MYOF: variants seen among roughly 807,000 people sequenced by gnomAD.
MYOF encodes myoferlin.
In MYOF, 244 loss-of-function variants were observed where a neutral mutation model predicts 284.2. That is an observed-to-expected ratio of 0.86 (90% CI 0.77 to 0.95). MYOF has a LOEUF of 0.95. Ranked by LOEUF, MYOF falls within the 40% of genes least tolerant of loss-of-function variation. The pLI, the probability that MYOF is intolerant of heterozygous loss-of-function variation, is 0.00. For missense variants in MYOF, 2,496 were observed against 2,560.6 expected (o/e 0.97, Z 0.54); for synonymous variants, 904 against 919.7 (o/e 0.98, Z 0.31).
chr10:93,461,665 A>C (rs1484933541), intron 1 of MYOF, among the ~76,000 whole-genome samples: 1 of 152,016 alleles, frequency 6.6e-6, no homozygotes, highest in Non-Finnish European at 1.5e-5. Flanking sequence ...ATCTGGGGAC[A>C]CTCCAGGACC....
intron 35 of MYOF, among the ~76,000 whole-genome samples, chr10:93,350,712 T>C (rs190815200): frequency 3.9e-5 from 6 of 152,198 alleles, no homozygotes; most frequent in African/African-American, 9.6e-5. Flanking sequence ...AGAAGGGAAA[T>C]CTTGGGGTGT....
chr10:93,431,452 A>T lies in MYOF; in HGVS notation c.301T>A (p.Tyr101Asn). 1 of 1,614,088 alleles carries T rather than the reference A, an allele frequency of 6.2e-7. No homozygotes were observed. Among genetic ancestry groups the T allele is most frequent in the Non-Finnish European group, 8.5e-7 (1 of 1,179,986 alleles). ...LTGDQSRSLP[Y>N]KLISLLNEKG... Reference sequence around the variant, plus strand: ...TCATTTAGCAGGGAGATCAGCTTGTACGGCAGGGATCTGCTCTGGTCACCA... The same window carrying T: ...TCATTTAGCAGGGAGATCAGCTTGTTCGGCAGGGATCTGCTCTGGTCACCA... Residue 101 changes from tyrosine to asparagine, a missense_variant, in exon 4 of 54, where the codon TAC (tyrosine) becomes AAC (asparagine). By Grantham distance (143) the Tyr-to-Asn change is moderately radical. Around this residue, in one of 3 missense-constraint regions of MYOF, gnomAD observed 2,436 missense variants for 2,480.7 expected, o/e 0.98. Transcript: ENST00000359263.
intron 2 of MYOF, among the ~76,000 whole-genome samples, chr10:93,454,908 G>T (rs2056697275): frequency 6.7e-6 from 1 of 149,592 alleles, no homozygotes; most frequent in Non-Finnish European, 1.5e-5. Context: ...GGCCCTGGGA[G>T]ATCGAGGCTG....
At chr10:93,352,456 A>T (rs1844568953) in intron 32 of MYOF, among the ~76,000 whole-genome samples, 1 of 152,238 alleles carries the variant, frequency 6.6e-6, no homozygotes, top group Admixed American at 6.5e-5. Flanking sequence ...CAGCCGGAAA[A>T]GCTCAGATGC....
At chr10:93,476,629 T>C (rs900973765) in intron 1 of MYOF, among the ~76,000 whole-genome samples, 3 of 152,182 alleles carry the variant, frequency 2.0e-5, no homozygotes, top group Admixed American at 6.5e-5. Context: ...CATGTGTCTA[T>C]TGGATACATC....
At position 93,361,461 on chromosome 10, in the gene MYOF, C is replaced by T; in HGVS notation, c.2965G>A (p.Asp989Asn). The T allele has an allele frequency of 6.2e-7, 1 of 1,614,154 alleles. No individual in the cohort carries two copies. Among genetic ancestry groups the T allele is most frequent in the Non-Finnish European group, 8.5e-7 (1 of 1,179,988 alleles). ...AGATGTACAATGTTACCTTTCTCAT[C>T]CACCGCTCGATTTATGTCATAAGAC... is the stretch of plus-strand genomic sequence containing the variant. ...AWSYDINRAVDEKGWEYGITI... is the reference protein window; with the variant it reads ...AWSYDINRAVNEKGWEYGITI... Residue 989 changes from aspartate (D) to asparagine (N), a missense_variant, in exon 28 of 54, where the codon GAT becomes AAT. Asp to Asn is a conservative substitution (Grantham distance 23). Around this residue, in one of 3 missense-constraint regions of MYOF, gnomAD observed 2,436 missense variants for 2,480.7 expected, o/e 0.98. Transcript: ENST00000359263.
intron 43 of MYOF, among the ~76,000 whole-genome samples, chr10:93,330,067 T>C (rs1410865095): frequency 6.6e-6 from 1 of 152,180 alleles, no homozygotes; most frequent in Non-Finnish European, 1.5e-5. Flanking sequence ...TTTAAATGCC[T>C]AGCTTCAAAT....
rs1404689933 is a variant in MYOF at position 93,353,883 on chromosome 10, A to G, written c.3409T>C (p.Tyr1137His). Residue 1137 changes from tyrosine (Y) to histidine (H), a missense_variant, in exon 32 of 54, where the codon TAC (tyrosine) becomes CAC (histidine). Tyr to His is a moderately conservative substitution (Grantham distance 83). This residue lies in a region of MYOF where 2,436 missense variants were observed against 2,480.7 expected (regional missense o/e 0.98). Transcript: ENST00000359263. ...ACATAGCAGCGCAGATGGTAGATGT[A>G]GACTCCTAAAAAAACAGGATAAAGA... ...PIVSCNFDRV[Y>H]IYHLRCYVYQ... is the part of the protein sequence containing the mutation. 9 of 1,605,142 alleles carry G rather than the reference A, an allele frequency of 5.6e-6. No individual in the cohort carries two copies. Among genetic ancestry groups the G allele is most frequent in the African/African-American group, 2.7e-5 (2 of 74,644 alleles).
At chr10:93,377,166 A>G (rs555772053) in intron 22 of MYOF, among the ~76,000 whole-genome samples, 157 bp downstream of exon 22, 85 of 152,318 alleles carry the variant, frequency 5.6e-4, no homozygotes, top group African/African-American at 2.0e-3. Flanking sequence ...GTGGTGATTC[A>G]GGCACTCCTC....
At chr10:93,341,038 A>G (rs1428483960) in intron 38 of MYOF, among the ~76,000 whole-genome samples, 1 of 152,208 alleles carries the variant, frequency 6.6e-6, no homozygotes, top group African/African-American at 2.4e-5. Context: ...ATTTTTGTTC[A>G]GCACAATGCA....
intron 13 of MYOF, 29 bp downstream of exon 13, chr10:93,399,363 C>A: frequency 6.8e-7 from 1 of 1,478,638 alleles, no homozygotes; most frequent in Non-Finnish European, 9.4e-7. Context: ...TTATTACTAG[C>A]AGCATCTGCA....
chr10:93,397,556 T>A (rs1847081898), intron 13 of MYOF, 100 bp from the exon 14 acceptor site: 4 of 759,316 alleles, frequency 5.3e-6, no homozygotes, highest in South Asian at 4.9e-5. Context: ...AGTTTACTTA[T>A]ATACTTAGGA....
intron 3 of MYOF, among the ~76,000 whole-genome samples, chr10:93,450,007 C>A (rs1481954925): frequency 1.3e-5 from 2 of 152,012 alleles, no homozygotes; most frequent in Admixed American, 6.6e-5. Context: ...CCTGTAATCC[C>A]AGCACTTTGG....
intron 28 of MYOF, among the ~76,000 whole-genome samples, chr10:93,361,213 T>C (rs1467125082): frequency 6.6e-6 from 1 of 152,204 alleles, no homozygotes; most frequent in Admixed American, 6.5e-5. Flanking sequence ...AATCTAATGC[T>C]GCCACGGATC....
chr10:93,463,394 A>AATTTT (rs34592074), intron 1 of MYOF, among the ~76,000 whole-genome samples: 15,278 of 79,146 alleles, frequency 0.19, 2,142 homozygotes, highest in Middle Eastern at 0.26. Context: ...GTCTCTACAA[A>AATTTT]TTTTTTTTTT....
rs1375734806 is a variant in MYOF, at chr10:93,407,599, G to A, written c.729+1188C>T. The stretch of plus-strand genomic sequence containing the variant: ...CAAAAAAAAAAAAAATTAGCTGGGC[G>A]TGGTGGCGGGCGCCTGTAGTCCCAG... On this transcript the variant is annotated intron_variant, in intron 7 of 53. Coordinates refer to ENST00000359263, the MANE Select transcript of MYOF (RefSeq NM_013451.4). Among the ~76,000 whole-genome samples, 8 of 151,280 alleles carry A rather than the reference G, an allele frequency of 5.3e-5. No homozygotes were observed. In the East Asian group the frequency reaches 9.7e-4, roughly 18 times the overall value.
At chr10:93,325,804 C>T in intron 46 of MYOF, 22 bp downstream of exon 46, 1 of 1,603,048 alleles carries the variant, frequency 6.2e-7, no homozygotes, top group Non-Finnish European at 8.5e-7. Context: ...TAATGGTCTT[C>T]AAGGGAGGGA....
chr10:93,341,505 G>A (rs916291139), intron 38 of MYOF, among the ~76,000 whole-genome samples: 4 of 152,068 alleles, frequency 2.6e-5, no homozygotes, highest in African/African-American at 9.7e-5. Flanking sequence ...GCAAACTCCT[G>A]ACCTCAGGTG....
intron 1 of MYOF, among the ~76,000 whole-genome samples, chr10:93,479,285 C>T (rs1185041692): frequency 6.6e-6 from 1 of 152,028 alleles, no homozygotes; most frequent in Non-Finnish European, 1.5e-5. Flanking sequence ...GGACTACAGG[C>T]ATGGTAGGGC....
Sources: gnomAD v4.1 joint callset for allele counts (sites outside exome capture counted in the v4.1 genomes callset) on GRCh38, gnomAD v4.1.1 for gene constraint, gnomAD v4.1.1 regional missense constraint, MANE v1.5 for transcripts, NCBI Gene and HGNC (gene_info 2026-07-23, HGNC 2026-07-21) for gene names.